PTPRN: variants seen among roughly 807,000 people sequenced by gnomAD.
PTPRN encodes the protein receptor-type tyrosine-protein phosphatase-like N.
In PTPRN, 70 loss-of-function variants were observed where a neutral mutation model predicts 108.5. That is an observed-to-expected ratio of 0.65 (90% confidence interval 0.53 to 0.79). PTPRN has a LOEUF of 0.79. Among genes scored for constraint, PTPRN ranks in the 30% least tolerant of loss-of-function variants. The pLI, the probability that PTPRN is intolerant of heterozygous loss-of-function variation, is 0.00. For synonymous variants in PTPRN, 496 were observed against 524.6 expected, an observed-to-expected ratio of 0.95 and a Z score of 0.75; for missense variants, 1,136 against 1,295.5, an observed-to-expected ratio of 0.88 and a Z score of 1.89.
rs1952392008 is a variant in PTPRN, at chr2:219,302,851, C to G, written c.378-14G>C. 6.2e-7 allele frequency: 1 copy of G among 1,605,082 alleles called. No individual in the cohort carries two copies. The highest frequency in any genetic ancestry group is 2.2e-5 in the East Asian group (1 of 44,854). On this transcript the variant is annotated splice_polypyrimidine_tract_variant and intron_variant, in intron 4 of 22. Transcript: ENST00000295718. ...GCCAAGCCAGACCTGTAGAGGAAAG[C>G]AAAGTGTGTGTGTTGGAGCGGGGGA...
At chr2:219,300,477 C>T in intron 8 of PTPRN, 1 of 534,412 alleles carries the variant, frequency 1.9e-6, no homozygotes, top group Non-Finnish European at 3.2e-6. Flanking sequence ...ATGGTCTGTA[C>T]TAATCCACAG....
chr2:219,306,021 G>A (rs545854092), intron 3 of PTPRN, among the ~76,000 whole-genome samples: 20 of 152,144 alleles, frequency 1.3e-4, no homozygotes, highest in African/African-American at 2.9e-4. Flanking sequence ...ATGGTGGCGC[G>A]CACATGTAAT....
chr2:219,308,457 A>G, intron 1 of PTPRN: 1 of 199,612 alleles, frequency 5.0e-6, no homozygotes, highest in Non-Finnish European at 1.0e-5. Flanking sequence ...GCCAACCCAC[A>G]GCGTCACAGG....
chr2:219,301,807 G>T, intron 6 of PTPRN, 88 bp from the exon 7 acceptor site: 1 of 1,446,012 alleles, frequency 6.9e-7, no homozygotes, highest in Middle Eastern at 2.0e-4. Flanking sequence ...GAAGGGACTA[G>T]CATGTTAAGA....
intron 1 of PTPRN, 40 bp downstream of exon 1, chr2:219,309,178 C>A: frequency 7.2e-7 from 1 of 1,379,700 alleles, no homozygotes; most frequent in South Asian, 1.2e-5. Flanking sequence ...CAAGCTGCTC[C>A]CCGCCCCCCA....
intron 10 of PTPRN, 64 bp downstream of exon 10, chr2:219,299,636 C>T: frequency 1.4e-6 from 2 of 1,468,038 alleles, no homozygotes; most frequent in South Asian, 2.5e-5. Context: ...GCCCCTCCAG[C>T]CACCTCCTTG....
intron 3 of PTPRN, among the ~76,000 whole-genome samples, chr2:219,306,706 T>C (rs1367420417): frequency 6.6e-6 from 1 of 152,218 alleles, no homozygotes; most frequent in Non-Finnish European, 1.5e-5. Flanking sequence ...TACAGTCCCC[T>C]GGCCTCCATG....
Position 219,297,509 on chromosome 2 carries a change from T to C in PTPRN, c.1888-76A>G. ...CAGGGCCCTGGGTTCAACTCTGGGC[T>C]CCTAGGCTTGCCCTTGACTGATTTT... On this transcript the variant is annotated intron_variant, in intron 13 of 22. Transcript: ENST00000295718. This position sits in a 1 kb window ranked among gnomAD's most constrained non-coding sequence, Gnocchi z 6.0. 7.1e-7 allele frequency: 1 copy of C among 1,411,160 alleles called. No individual in the cohort carries two copies. The highest frequency in any genetic ancestry group is 1.4e-5 in the African/African-American group (1 of 70,854). The allele number at this position is 1,411,160 out of a possible 1,614,324, so 87.4% of individuals were successfully genotyped here.
At position 219,302,577 on chromosome 2, in the gene PTPRN, T is replaced by A. The variant is rs1299359585; in HGVS notation, c.638A>T (p.Gln213Leu). Residue 213 changes from glutamine (Q) to leucine (L), a missense_variant and splice_region_variant, in exon 5 of 23, where the codon CAG (glutamine) becomes CTG (leucine). Gln to Leu is a moderately radical substitution (Grantham distance 113). Coordinates refer to ENST00000295718, the MANE Select transcript of PTPRN (RefSeq NM_002846.4). Reference protein sequence around the residue: ...PALLQPYLFHQFGSRDGSRVS... With the variant: ...PALLQPYLFHLFGSRDGSRVS... ...GTGGGACCAGAGTCAAGGACTTACC[T>A]GGTGGAACAGGTAGGGCTGCAGCAA... The A allele has an allele frequency of 1.2e-6, 2 of 1,613,988 alleles. No homozygotes were observed. Among genetic ancestry groups the A allele is most frequent in the Admixed American group, 1.7e-5 (1 of 59,986 alleles).
At position 219,290,944 on chromosome 2, in the gene PTPRN, G is replaced by T; in HGVS notation, c.2730-54C>A. The T allele has an allele frequency of 1.3e-6, 2 of 1,565,270 alleles. No individual in the cohort carries two copies. The highest frequency in any genetic ancestry group is 1.8e-6 in the Non-Finnish European group (2 of 1,135,638). On this transcript the variant is annotated intron_variant, in intron 20 of 22. Transcript: ENST00000295718. This position sits in a 1 kb window ranked among gnomAD's most constrained non-coding sequence, Gnocchi z 4.2. ...CTTGAGATGCAGCAGAAAGGGGGAGGGACGGAGGAGGCGAGGAGGCCTGGA... is the reference window on the plus strand; with the variant it reads ...CTTGAGATGCAGCAGAAAGGGGGAGTGACGGAGGAGGCGAGGAGGCCTGGA...
rs1223734445 is a variant in PTPRN at position 219,290,900 on chromosome 2, G to A, written c.2730-10C>T. 2 of 1,613,404 alleles carry A rather than the reference G, an allele frequency of 1.2e-6. No homozygotes were observed. Among genetic ancestry groups the A allele is most frequent in the East Asian group, 2.2e-5 (1 of 44,882 alleles). ...CCTCCCCGCACCATCACTGAAACAG[G>A]AGTTAGTGACAGGTTTAGCTTGAGA... On this transcript the variant is annotated splice_polypyrimidine_tract_variant and intron_variant, in intron 20 of 22. Transcript: ENST00000295718. This position sits in a 1 kb window ranked among gnomAD's most constrained non-coding sequence, Gnocchi z 4.2.
chr2:219,290,373 TG>T lies in PTPRN; in HGVS notation c.2869-77del. 3.2e-5 allele frequency: 26 copies of T among 825,172 alleles called. No homozygotes were observed. The highest frequency in any genetic ancestry group is 4.5e-5 in the Non-Finnish European group (23 of 506,918). The allele number at this position is 825,172 out of a possible 1,614,324, so 51.1% of individuals were successfully genotyped here. ...TGCCCTCAAGATGGGGGGCTTTTGG[TG>T]GGGGGAGGGCCCTGGGCAGGTCCCC... On this transcript the variant is annotated intron_variant, in intron 22 of 22. Coordinates refer to ENST00000295718, the MANE Select transcript of PTPRN (RefSeq NM_002846.4). The surrounding 1 kb of genome is among the most constrained non-coding windows in gnomAD (Gnocchi z 4.2).
At chr2:219,298,949 A>G in intron 12 of PTPRN, 98 bp downstream of exon 12, 3 of 1,412,114 alleles carry the variant, frequency 2.1e-6, no homozygotes. Context: ...GCCTACGGAC[A>G]CGTTTCGGCT....
intron 3 of PTPRN, among the ~76,000 whole-genome samples, chr2:219,306,422 T>C (rs971823484): frequency 1.3e-5 from 2 of 152,202 alleles, no homozygotes; most frequent in African/African-American, 4.8e-5. Context: ...TGGCACTCCA[T>C]AGACAGAGCA....
In PTPRN at chr2:219,302,191, T is replaced by C; in HGVS notation, c.940A>G (p.Lys314Glu). The C allele has an allele frequency of 6.2e-7, 1 of 1,610,118 alleles. No homozygotes were observed. The change falls in exon 6 of 23, where the codon AAG (lysine) becomes GAG (glutamate). Residue 314 changes from lysine to glutamate, a missense_variant. Physicochemically the swap from Lys to Glu is moderately conservative, Grantham distance 56 (BLOSUM62 1). Coordinates refer to ENST00000295718, the MANE Select transcript of PTPRN (RefSeq NM_002846.4). The stretch of plus-strand genomic sequence containing the variant: ...TCTCCACGATCCCCTAGTCCTTCCT[T>C]CTCATAGCCCTCTGGGGAGTCCTCT... Reference protein sequence around the residue: ...RAEDSPEGYEKEGLGDRGEKP... With the variant: ...RAEDSPEGYEEEGLGDRGEKP...
intron 4 of PTPRN, 79 bp from the exon 5 acceptor site, chr2:219,302,916 C>T: frequency 6.6e-7 from 1 of 1,516,082 alleles, no homozygotes; most frequent in Non-Finnish European, 8.9e-7. Context: ...TATTCGGGGC[C>T]AGGCAGGCTC....
intron 3 of PTPRN, among the ~76,000 whole-genome samples, chr2:219,304,415 G>GTCA (rs749067449): frequency 1.3e-5 from 2 of 152,004 alleles, no homozygotes; most frequent in Non-Finnish European, 2.9e-5. Context: ...CATCTTCATT[G>GTCA]TCGTCATCAT....
rs1168560523 is a variant in PTPRN at position 219,300,022 on chromosome 2, C to A, written c.1399G>T (p.Ala467Ser). The A allele has an allele frequency of 8.7e-6, 14 of 1,614,124 alleles. No individual in the cohort carries two copies. Among genetic ancestry groups the A allele is most frequent in the Non-Finnish European group, 1.2e-5 (14 of 1,180,048 alleles). ...TVAGQPSARP[A>S]AEEYGYIVTD... ...ACGATGTAGCCATATTCCTCTGCTG[C>A]TGGGCGGGCTGAGGGCTGTCCTGCC... The change falls in exon 9 of 23, where the codon GCA becomes TCA. Residue 467 changes from alanine (A) to serine (S), a missense_variant. Ala to Ser is a moderately conservative substitution (Grantham distance 99, BLOSUM62 1). Transcript: ENST00000295718.
rs1289944567 is a variant in PTPRN at position 219,302,311 on chromosome 2, GA to G, written c.819del (p.Gln274LysfsTer44). On this transcript the variant is annotated frameshift_variant, in exon 6 of 23. Coordinates refer to ENST00000295718, the MANE Select transcript of PTPRN (RefSeq NM_002846.4). LOFTEE classifies it high-confidence loss of function. ...GCCAGATAGAGCAGCCCAGAGTCTT[GA>G]AAAAGCTGGGCAGGTGAAGGCCCTG... is the stretch of plus-strand genomic sequence containing the variant. ...DLPGPSPAQLFQDSGLLYLAQ... is the reference protein window; with the variant it reads ...DLPGPSPAQLXQDSGLLYLAQ... The G allele has an allele frequency of 6.2e-7, 1 of 1,613,978 alleles. No homozygotes were observed. The highest frequency in any genetic ancestry group is 8.5e-7 in the Non-Finnish European group (1 of 1,179,912).
Sources: allele counts gnomAD v4.1 joint callset (sites outside exome capture counted in the v4.1 genomes callset), GRCh38; gene constraint gnomAD v4.1.1; non-coding constraint Gnocchi (gnomAD v3.1); transcripts MANE v1.5; gene names NCBI Gene and HGNC (gene_info 2026-07-23, HGNC 2026-07-21).